The following PIBF1 variants were observed in gnomAD, a reference collection of about 807,000 sequenced individuals.
PIBF1 encodes the protein progesterone immunomodulatory binding factor 1.
PIBF1 carries 90 observed loss-of-function variants against 112.5 expected under a neutral mutation model. The ratio of observed to expected loss-of-function variants is 0.80; its 90% CI spans 0.67 to 0.95. The LOEUF is 0.95. Ranked by LOEUF, PIBF1 falls within the 40% of genes least tolerant of loss-of-function variation. PIBF1 has a pLI of 0.00. For missense variants in PIBF1, 915 were observed against 852.3 expected, an observed-to-expected ratio of 1.07 and a Z score of -0.92; for synonymous variants, 301 against 288.6, an observed-to-expected ratio of 1.04 and a Z score of -0.44.
intron 11 of PIBF1, among the ~76,000 whole-genome samples, chr13:72,907,528 GC>G (rs1251221086): frequency 2.6e-5 from 4 of 152,002 alleles, no homozygotes; most frequent in Admixed American, 2.6e-4. Context: ...TAGGTACTCT[GC>G]TAAGCACTGT....
At chr13:72,817,006 T>C (rs1430443827) in intron 5 of PIBF1, among the ~76,000 whole-genome samples, 1 of 152,188 alleles carries the variant, frequency 6.6e-6, no homozygotes, top group African/African-American at 2.4e-5. Context: ...TGGATTAGAT[T>C]ATTGATAATG....
chr13:72,921,006 A>G (rs993934008), intron 13 of PIBF1, among the ~76,000 whole-genome samples: 1 of 152,218 alleles, frequency 6.6e-6, no homozygotes, highest in East Asian at 1.9e-4. Flanking sequence ...AAAATCTTAT[A>G]TGTTCAACAA....
At chr13:72,838,918 TGA>T (rs2037479878) in intron 9 of PIBF1, among the ~76,000 whole-genome samples, 1 of 152,190 alleles carries the variant, frequency 6.6e-6, no homozygotes, top group Non-Finnish European at 1.5e-5. Context: ...TGAAGCTTTT[TGA>T]ACAAACTAAT....
intron 17 of PIBF1, among the ~76,000 whole-genome samples, chr13:73,000,493 T>G (rs1441591859): frequency 1.3e-5 from 2 of 152,188 alleles, no homozygotes; most frequent in Non-Finnish European, 2.9e-5. Context: ...TGCCGAGGAC[T>G]GTTTATTAAG....
intron 8 of PIBF1, among the ~76,000 whole-genome samples, chr13:72,828,451 G>A (rs370946516): frequency 9.9e-5 from 15 of 151,770 alleles, no homozygotes; most frequent in African/African-American, 7.3e-5. Context: ...GACAGGCGCC[G>A]GTGTGTGATG....
intron 15 of PIBF1, among the ~76,000 whole-genome samples, chr13:72,967,000 A>G (rs2042758445): frequency 6.7e-6 from 1 of 149,232 alleles, no homozygotes; most frequent in African/African-American, 2.5e-5. Context: ...CAATGATGTG[A>G]TCTCTGCTCA....
chr13:72,816,624 G>T (rs2036285353), intron 5 of PIBF1, among the ~76,000 whole-genome samples: 1 of 148,806 alleles, frequency 6.7e-6, no homozygotes, highest in African/African-American at 2.5e-5. Flanking sequence ...TTGCACCACT[G>T]CACTCCAGCC....
At chr13:72,978,231 A>G (rs2043072270) in intron 16 of PIBF1, among the ~76,000 whole-genome samples, 1 of 152,150 alleles carries the variant, frequency 6.6e-6, no homozygotes, top group Non-Finnish European at 1.5e-5. Flanking sequence ...ACAAAGTGTG[A>G]TCTCTCTTGG....
At chr13:72,812,048 T>G (rs998378248) in intron 5 of PIBF1, among the ~76,000 whole-genome samples, 14 of 152,118 alleles carry the variant, frequency 9.2e-5, no homozygotes, top group African/African-American at 1.4e-4. Flanking sequence ...AGGGGCAAGT[T>G]TTGAGGGGCT....
At chr13:72,909,598 G>A (rs1196748631) in intron 12 of PIBF1, among the ~76,000 whole-genome samples, 4 of 151,750 alleles carry the variant, frequency 2.6e-5, no homozygotes, top group South Asian at 2.1e-4. Flanking sequence ...GGTTTCAAGC[G>A]ATTCTTCTGC....
At chr13:72,786,902 C>T (rs1283222383) in intron 2 of PIBF1, among the ~76,000 whole-genome samples, 1 of 152,164 alleles carries the variant, frequency 6.6e-6, no homozygotes, top group African/African-American at 2.4e-5. Context: ...GAACCTAAAG[C>T]ACCTCTGTTG....
At chr13:72,851,232 C>T (rs1208535000) in intron 9 of PIBF1, among the ~76,000 whole-genome samples, 5 of 152,190 alleles carry the variant, frequency 3.3e-5, no homozygotes, top group Non-Finnish European at 7.4e-5. Flanking sequence ...GCTGCAGTGG[C>T]CCAGTCGCAG....
At chr13:72,888,084 A>G (rs1323652571) in intron 10 of PIBF1, among the ~76,000 whole-genome samples, 2 of 152,140 alleles carry the variant, frequency 1.3e-5, no homozygotes, top group Non-Finnish European at 2.9e-5. Context: ...TGGAAATTCA[A>G]CCATTCAGAG....
At chr13:73,010,886 G>C (rs891551846) in intron 17 of PIBF1, among the ~76,000 whole-genome samples, 28 of 127,712 alleles carry the variant, frequency 2.2e-4, no homozygotes, top group African/African-American at 7.9e-4. Context: ...GAGTGCAATG[G>C]TGTGATCTCA....
intron 2 of PIBF1, among the ~76,000 whole-genome samples, chr13:72,792,131 A>G (rs1026981652): frequency 5.9e-5 from 9 of 151,852 alleles, no homozygotes; most frequent in Non-Finnish European, 1.0e-4. Context: ...CCCTGTCTCT[A>G]CTAAAAATAC....
chr13:72,993,153 A>T (rs2043533536), intron 16 of PIBF1, among the ~76,000 whole-genome samples: 2 of 151,848 alleles, frequency 1.3e-5, no homozygotes, highest in African/African-American at 4.8e-5. Flanking sequence ...AACCCCATTT[A>T]TACAAAAAAA....
rs138221636 is a variant in PIBF1, at chr13:72,932,960, T to C, written c.1833+1693T>C. Reference sequence around the variant, plus strand: ...TATCCATTTACTTGTTGATGGACATTGGAGTCATTTCCAGTTTTTGGAATA... The same window carrying C: ...TATCCATTTACTTGTTGATGGACATCGGAGTCATTTCCAGTTTTTGGAATA... On this transcript the variant is annotated intron_variant, in intron 14 of 17. Coordinates refer to ENST00000326291, the MANE Select transcript of PIBF1 (RefSeq NM_006346.4). Among the ~76,000 whole-genome samples, 10 of 152,300 alleles carry C rather than the reference T, an allele frequency of 6.6e-5. No individual in the cohort carries two copies. The East Asian group carries it at 1.9e-3, about 29-fold the overall frequency.
chr13:72,979,585 T>C (rs1202260317), intron 16 of PIBF1, among the ~76,000 whole-genome samples: 2 of 151,970 alleles, frequency 1.3e-5, no homozygotes, highest in African/African-American at 2.4e-5. Context: ...ACTAGATTGG[T>C]GATGATGAGG....
intron 2 of PIBF1, among the ~76,000 whole-genome samples, chr13:72,790,476 TCACA>T (rs1400557712): frequency 7.4e-6 from 1 of 135,048 alleles, no homozygotes; most frequent in Non-Finnish European, 1.6e-5. Context: ...TATAGATAGA[TCACA>T]CACACCCTTA....
Sources: gnomAD v4.1 joint callset for allele counts (sites outside exome capture counted in the v4.1 genomes callset) on GRCh38, gnomAD v4.1.1 for gene constraint, MANE v1.5 for transcripts, NCBI Gene and HGNC (gene_info 2026-07-23, HGNC 2026-07-21) for gene names.